Variants in TCF12 observed in about 807,000 individuals in gnomAD.
The protein encoded by TCF12 is transcription factor 12, also known as DNA-binding protein HTF4.
TCF12 carries 45 observed loss-of-function variants against 86.0 expected under a neutral mutation model. The observed-to-expected ratio is 0.52, with a 90% CI of 0.41 to 0.67. The LOEUF is 0.67. Ranked by LOEUF, TCF12 falls within the 30% of genes least tolerant of loss-of-function variation. The pLI is 0.00. For synonymous variants in TCF12, 330 were observed against 299.6 expected, an observed-to-expected ratio of 1.10 and a Z score of -1.05; for missense variants, 881 against 859.9, an observed-to-expected ratio of 1.02 and a Z score of -0.31.
chr15:57,259,845 T>C (rs184983551), intron 16 of TCF12, among the ~76,000 whole-genome samples: 10 of 152,240 alleles, frequency 6.6e-5, no homozygotes, highest in African/African-American at 2.4e-4. Context: ...GCCATTTGAA[T>C]GTGGAGCTGC....
intron 5 of TCF12, among the ~76,000 whole-genome samples, chr15:57,142,682 A>G (rs935272650): frequency 1.3e-5 from 2 of 152,208 alleles, no homozygotes; most frequent in African/African-American, 4.8e-5. Flanking sequence ...CTTATCAACT[A>G]AAGTGGGAAA....
chr15:56,949,567 CAG>C (rs1595812474), intron 3 of TCF12, among the ~76,000 whole-genome samples: 1 of 152,136 alleles, frequency 6.6e-6, no homozygotes, highest in Non-Finnish European at 1.5e-5. Context: ...AAGAGAAAAA[CAG>C]TGTAAGAAGA....
chr15:57,062,279 A>G (rs2068517714), intron 3 of TCF12, among the ~76,000 whole-genome samples: 1 of 151,964 alleles, frequency 6.6e-6, no homozygotes, highest in African/African-American at 2.4e-5. Context: ...TTTACATGAC[A>G]TTCCCCAAAC....
chr15:57,241,048 T>C (rs922841477), intron 12 of TCF12, among the ~76,000 whole-genome samples: 1 of 152,000 alleles, frequency 6.6e-6, no homozygotes, highest in African/African-American at 2.4e-5. Flanking sequence ...AATTTTCCCA[T>C]GTGTCCAATG....
At chr15:57,188,529 A>T (rs573025208) in intron 6 of TCF12, among the ~76,000 whole-genome samples, 1 of 152,326 alleles carries the variant, frequency 6.6e-6, no homozygotes, top group Non-Finnish European at 1.5e-5. Context: ...ACTGAAAAAG[A>T]ACAGTGTTGG....
At chr15:57,057,732 C>G (rs2068141470) in intron 3 of TCF12, among the ~76,000 whole-genome samples, 1 of 152,042 alleles carries the variant, frequency 6.6e-6, no homozygotes, top group Admixed American at 6.6e-5. Flanking sequence ...ACAGGATGGA[C>G]ATGATTTGGC....
intron 5 of TCF12, among the ~76,000 whole-genome samples, chr15:57,142,766 T>A (rs2053072084): frequency 6.6e-6 from 1 of 152,184 alleles, no homozygotes; most frequent in Admixed American, 6.5e-5. Flanking sequence ...AATAATGGGA[T>A]AATTCAGATT....
rs1469868730 is a variant in TCF12, at chr15:56,919,937, G to C, written c.24G>C (p.Met8Ile). ...AGATGAATCCCCAGCAACAACGCAT[G>C]GCCGCTATAGGGACCGACAAGGAGC... Reference protein sequence around the residue: MNPQQQRMAAIGTDKELS... With the variant: MNPQQQRIAAIGTDKELS... Residue 8 changes from methionine to isoleucine, a missense_variant, in exon 2 of 21, where the codon ATG (methionine) becomes ATC (isoleucine). Physicochemically the swap from Met to Ile is conservative, Grantham distance 10. Transcript: ENST00000333725. 1 of 1,614,104 alleles carries C rather than the reference G, an allele frequency of 6.2e-7. No homozygotes were observed.
At chr15:57,130,388 C>T (rs60795728) in intron 5 of TCF12, among the ~76,000 whole-genome samples, 1,969 of 152,212 alleles carry the variant, frequency 0.013, 40 homozygotes, top group African/African-American at 0.044. Flanking sequence ...CTGTAAATTA[C>T]GTGCATACTG....
At chr15:57,176,778 T>C (rs901954060) in intron 6 of TCF12, among the ~76,000 whole-genome samples, 2 of 152,122 alleles carry the variant, frequency 1.3e-5, no homozygotes, top group Non-Finnish European at 2.9e-5. Context: ...GGTCAAGATA[T>C]TGGTTGTTAT....
intron 3 of TCF12, among the ~76,000 whole-genome samples, chr15:57,063,503 C>G (rs992868240): frequency 6.6e-6 from 1 of 152,152 alleles, no homozygotes; most frequent in East Asian, 1.9e-4. Flanking sequence ...ATTCTAAAGT[C>G]TGCAAAGAAA....
At chr15:57,130,081 G>A (rs1169323512) in intron 5 of TCF12, 2 of 152,204 alleles carry the variant, frequency 1.3e-5, no homozygotes, top group African/African-American at 4.8e-5. Flanking sequence ...GAATTTAATA[G>A]ACTGTCTCTT....
At chr15:57,270,541 G>A (rs1439775414) in intron 18 of TCF12, among the ~76,000 whole-genome samples, 2 of 151,948 alleles carry the variant, frequency 1.3e-5, no homozygotes, top group Admixed American at 6.6e-5. Flanking sequence ...TCTTATTACC[G>A]ACCTCCTGAA....
intron 8 of TCF12, among the ~76,000 whole-genome samples, chr15:57,223,643 G>GTTTTTTTTTTTTTGTTTTTGTT (rs2058710220): frequency 1.4e-5 from 1 of 69,666 alleles, no homozygotes; most frequent in African/African-American, 4.9e-5. Flanking sequence ...TACCAATGAG[G>GTTTTTTTTTTTTTGTTTTTGTT]TTTTTTTTTT....
At chr15:57,032,497 G>C (rs1354085945) in intron 3 of TCF12, among the ~76,000 whole-genome samples, 7 of 152,166 alleles carry the variant, frequency 4.6e-5, no homozygotes, top group African/African-American at 1.7e-4. Flanking sequence ...GGCACAATCA[G>C]GGCTCGCAGC....
intron 3 of TCF12, among the ~76,000 whole-genome samples, chr15:56,936,557 C>G (rs1003363906): frequency 6.6e-6 from 1 of 152,094 alleles, no homozygotes; most frequent in Non-Finnish European, 1.5e-5. Flanking sequence ...TTTGCCTAAG[C>G]CAATGTCTAG....
chr15:56,985,205 A>G (rs1355950322), intron 3 of TCF12, among the ~76,000 whole-genome samples: 1 of 152,194 alleles, frequency 6.6e-6, no homozygotes, highest in Admixed American at 6.5e-5. Flanking sequence ...TTTGCTGACA[A>G]CAGCAAGTGT....
intron 3 of TCF12, among the ~76,000 whole-genome samples, chr15:56,941,556 G>C (rs2060777265): frequency 6.6e-6 from 1 of 151,858 alleles, no homozygotes; most frequent in South Asian, 2.1e-4. Flanking sequence ...GTATTTTTCA[G>C]TAGAGACAGG....
intron 3 of TCF12, among the ~76,000 whole-genome samples, chr15:57,061,884 G>C (rs1315909109): frequency 1.3e-5 from 2 of 152,096 alleles, no homozygotes; most frequent in East Asian, 1.9e-4. Flanking sequence ...CTATTCTACA[G>C]TGTTGGTTGC....
Sources: allele counts gnomAD v4.1 joint callset (sites outside exome capture counted in the v4.1 genomes callset), GRCh38; gene constraint gnomAD v4.1.1; transcripts MANE v1.5; gene names NCBI Gene and HGNC (gene_info 2026-07-23, HGNC 2026-07-21).